Variants in MS4A4E observed in about 807,000 individuals in gnomAD.
The protein encoded by MS4A4E is membrane spanning 4-domains A4E.
In MS4A4E, 23 loss-of-function variants were observed where a neutral mutation model predicts 13.3. The observed-to-expected ratio is 1.73, with a 90% CI of 1.25 to 2.45. The LOEUF is 2.45. Ranked by LOEUF, MS4A4E falls within the 30% of genes most tolerant of loss-of-function variation. MS4A4E has a pLI of 0.00. For missense variants in MS4A4E, 144 were observed against 131.2 expected (o/e 1.10, Z -0.48); for synonymous variants, 36 against 45.6 (o/e 0.79, Z 0.85).
chr11:60,206,479 A>ATATATATATGTATATATATATATG (rs1590703170), intron 6 of MS4A4E, among the ~76,000 whole-genome samples: 1 of 5,522 alleles, frequency 1.8e-4, no homozygotes, highest in African/African-American at 4.6e-4. Context: ...ACACACATAT[A>ATATATATATGTATATATATATATG]TATATATATG....
At chr11:60,238,719 C>T (rs555920416) in intron 1 of MS4A4E, among the ~76,000 whole-genome samples, 1 of 152,142 alleles carries the variant, frequency 6.6e-6, no homozygotes, top group East Asian at 1.9e-4. Context: ...GTTTGTTCTT[C>T]TTTTTCCAGT....
chr11:60,234,007 A>C (rs1209761318), intron 1 of MS4A4E, among the ~76,000 whole-genome samples: 2 of 152,260 alleles, frequency 1.3e-5, no homozygotes, highest in Admixed American at 6.5e-5. Context: ...GATTTAAAAC[A>C]TAATTCTGTT....
chr11:60,222,729 A>G (rs193110377), intron 3 of MS4A4E, among the ~76,000 whole-genome samples: 1 of 152,296 alleles, frequency 6.6e-6, no homozygotes, highest in Admixed American at 6.5e-5. Context: ...CCGGGAGACA[A>G]CAATGATTTC....
intron 3 of MS4A4E, among the ~76,000 whole-genome samples, chr11:60,221,993 T>C (rs1331381655): frequency 1.3e-5 from 2 of 152,168 alleles, no homozygotes; most frequent in Non-Finnish European, 2.9e-5. Context: ...AGGATATGCA[T>C]GGGCTCAGCA....
chr11:60,211,046 C>T (rs2084114466), intron 5 of MS4A4E, among the ~76,000 whole-genome samples: 1 of 152,192 alleles, frequency 6.6e-6, no homozygotes, highest in South Asian at 2.1e-4. Context: ...CCCATGCCCA[C>T]GAAATCAGCC....
At chr11:60,242,832 C>A (rs2084567405) in intron 1 of MS4A4E, 126 bp downstream of exon 1, 2 of 604,082 alleles carry the variant, frequency 3.3e-6, no homozygotes, top group Non-Finnish European at 5.6e-6. Context: ...CCAACCCTGA[C>A]TACCAGCTTG....
At chr11:60,217,769 A>T (rs914550923) in intron 3 of MS4A4E, among the ~76,000 whole-genome samples, 1 of 152,186 alleles carries the variant, frequency 6.6e-6, no homozygotes, top group African/African-American at 2.4e-5. Context: ...GCCCGTCTTT[A>T]CTTTCATCTC....
intron 2 of MS4A4E, 27 bp from the exon 3 acceptor site, chr11:60,228,654 T>C (rs1244135300): frequency 1.4e-6 from 1 of 694,966 alleles, no homozygotes; most frequent in South Asian, 1.5e-5. Flanking sequence ...ATAGCAACGT[T>C]ACTCCTAATT....
intron 1 of MS4A4E, among the ~76,000 whole-genome samples, chr11:60,232,925 G>T (rs2084431121): frequency 6.6e-6 from 1 of 152,090 alleles, no homozygotes; most frequent in Non-Finnish European, 1.5e-5. Flanking sequence ...AGTCGCTGGT[G>T]CACCCTGCCC....
At chr11:60,213,836 T>C (rs768814322) in intron 4 of MS4A4E, among the ~76,000 whole-genome samples, 2 of 152,244 alleles carry the variant, frequency 1.3e-5, no homozygotes, top group African/African-American at 2.4e-5. Flanking sequence ...CTGCTTCTTA[T>C]GTAATAATTT....
intron 6 of MS4A4E, among the ~76,000 whole-genome samples, chr11:60,207,907 G>A (rs1334463200): frequency 6.6e-6 from 1 of 152,218 alleles, no homozygotes; most frequent in Non-Finnish European, 1.5e-5. Flanking sequence ...AGAGAAGTCT[G>A]AGATCATGAC....
At chr11:60,209,748 C>T (rs572665874) in intron 5 of MS4A4E, among the ~76,000 whole-genome samples, 1 of 152,320 alleles carries the variant, frequency 6.6e-6, no homozygotes, top group African/African-American at 2.4e-5. Flanking sequence ...TTACCCCGGA[C>T]TGATGCAGGG....
chr11:60,225,075 C>A, intron 3 of MS4A4E: 1 of 1,556,310 alleles, frequency 6.4e-7, no homozygotes, highest in Non-Finnish European at 8.7e-7. Flanking sequence ...CTCATCAAGG[C>A]AATCAGAATC....
Position 60,200,492 on chromosome 11 carries a change from C to T in MS4A4E, c.*1051G>A, listed in dbSNP as rs1230406832. 6.6e-6 allele frequency among the ~76,000 whole-genome samples: 1 copy of T among 152,078 alleles called. No individual in the cohort carries two copies. The highest frequency in any genetic ancestry group is 1.9e-4 in the East Asian group (1 of 5,192). ...TTGAGATTAGGGAGTGGTGATGACT[C>T]TTAACGAGCATGCTGCCTTCAAGCA... On this transcript the variant is annotated 3_prime_UTR_variant, in exon 9 of 9. Transcript: ENST00000651255.
intron 1 of MS4A4E, among the ~76,000 whole-genome samples, chr11:60,230,686 T>G (rs563599220): frequency 1.6e-4 from 25 of 152,344 alleles, no homozygotes; most frequent in African/African-American, 5.8e-4. Context: ...TGCTGGTGCA[T>G]AGCAAGAATA....
intron 1 of MS4A4E, among the ~76,000 whole-genome samples, chr11:60,239,252 G>A (rs551804053): frequency 2.8e-4 from 42 of 152,218 alleles, no homozygotes; most frequent in African/African-American, 8.7e-4. Flanking sequence ...AGCATATCTC[G>A]TAGAGAAATT....
chr11:60,208,625 C>T lies in MS4A4E; in HGVS notation c.451G>A (p.Gly151Arg), dbSNP rs554361372. Reference sequence around the variant, plus strand: ...GGGCTACAACAAAGCACTTTACATCCAAAGGCAGAGAGGGCCACAGCAATG... The same window carrying T: ...GGGCTACAACAAAGCACTTTACATCTAAAGGCAGAGAGGGCCACAGCAATG... Reference protein sequence around the residue: ...FCIAVALSAFGCKVLCCSPSE... With the variant: ...FCIAVALSAFRCKVLCCSPSE... Residue 151 changes from glycine to arginine, a missense_variant, in exon 6 of 9, where the codon GGA (glycine) becomes AGA (arginine). Physicochemically the swap from Gly to Arg is moderately radical, Grantham distance 125. Around this residue, in one of 3 missense-constraint regions of MS4A4E, gnomAD observed 21 missense variants for 25.1 expected, o/e 0.84. Transcript: ENST00000651255. 4 of 1,464,616 alleles carry T rather than the reference C, an allele frequency of 2.7e-6. No individual in the cohort carries two copies. In the East Asian group the frequency reaches 6.9e-5, roughly 25 times the overall value. 90.7% of individuals were successfully genotyped at this position (1,464,616 alleles called of 1,614,324 possible). A position where few individuals can be genotyped will look rare whatever the true frequency, so the allele number is the denominator to read the frequency against.
At chr11:60,217,143 G>C (rs1459577586) in intron 3 of MS4A4E, among the ~76,000 whole-genome samples, 1 of 152,140 alleles carries the variant, frequency 6.6e-6, no homozygotes, top group African/African-American at 2.4e-5. Flanking sequence ...TTCAGAAGCA[G>C]ATACTGAGCC....
chr11:60,229,800 A>G (rs535320104), intron 2 of MS4A4E, 112 bp downstream of exon 2: 7 of 1,030,596 alleles, frequency 6.8e-6, no homozygotes, highest in South Asian at 1.7e-5. Context: ...TGATGTTACT[A>G]GGGCTGGTTG....
Sources: allele counts gnomAD v4.1 joint callset (sites outside exome capture counted in the v4.1 genomes callset), GRCh38; gene constraint gnomAD v4.1.1; regional missense constraint gnomAD v4.1.1; transcripts MANE v1.5; gene names NCBI Gene and HGNC (gene_info 2026-07-23, HGNC 2026-07-21).